Variants in FUT8 observed in about 807,000 individuals in gnomAD.
FUT8 encodes the protein alpha-(1,6)-fucosyltransferase.
In FUT8, 29 loss-of-function variants were observed where a neutral mutation model predicts 71.3. The ratio of observed to expected loss-of-function variants is 0.41; its 90% confidence interval spans 0.30 to 0.55. The LOEUF (loss-of-function observed/expected upper bound fraction) is 0.55, where lower values mean the gene tolerates loss of function less well. Ranked by LOEUF, FUT8 falls within the 20% of genes least tolerant of loss-of-function variation. The pLI, the probability that FUT8 is intolerant of heterozygous loss-of-function variation, is 0.34. For missense variants in FUT8, 544 were observed against 702.1 expected, an observed-to-expected ratio of 0.77 and a Z score of 2.55; for synonymous variants, 254 against 239.3, an observed-to-expected ratio of 1.06 and a Z score of -0.57.
intron 3 of FUT8, among the ~76,000 whole-genome samples, chr14:65,572,523 C>G (rs895087266): frequency 1.3e-5 from 2 of 152,112 alleles, no homozygotes; most frequent in African/African-American, 4.8e-5. Context: ...TATGGTGGCT[C>G]TAAAAGTCAC....
chr14:65,610,790 A>T (rs1486182706), intron 3 of FUT8, among the ~76,000 whole-genome samples: 2 of 151,918 alleles, frequency 1.3e-5, no homozygotes, highest in African/African-American at 4.8e-5. Context: ...TTTAAAAAAA[A>T]TTTTGTCTAT....
At chr14:65,698,906 C>G (rs900058844) in intron 7 of FUT8, among the ~76,000 whole-genome samples, 1 of 151,990 alleles carries the variant, frequency 6.6e-6, no homozygotes, top group Non-Finnish European at 1.5e-5. Flanking sequence ...GAGACAGATA[C>G]ACATAAAAAC....
At chr14:65,694,439 T>C (rs1893878566) in intron 7 of FUT8, among the ~76,000 whole-genome samples, 1 of 152,260 alleles carries the variant, frequency 6.6e-6, no homozygotes, top group Non-Finnish European at 1.5e-5. Flanking sequence ...GTGCTTCAGC[T>C]ATCTTTTTGT....
the FUT8 span, among the ~76,000 whole-genome samples, chr14:65,365,716 G>C: frequency 2.0e-5 from 3 of 152,266 alleles, no homozygotes; most frequent in South Asian, 6.2e-4. Context: ...GTCTGAAAAG[G>C]GGAGGTATGA....
At chr14:65,636,957 A>G (rs1453116761) in intron 6 of FUT8, among the ~76,000 whole-genome samples, 1 of 152,214 alleles carries the variant, frequency 6.6e-6, no homozygotes, top group Non-Finnish European at 1.5e-5. Flanking sequence ...CAAGTATGCT[A>G]TCAGGCTCAA....
At chr14:65,600,527 AAT>A (rs1888238384) in intron 3 of FUT8, among the ~76,000 whole-genome samples, 1 of 152,202 alleles carries the variant, frequency 6.6e-6, no homozygotes, top group Non-Finnish European at 1.5e-5. Flanking sequence ...CTTACATTTA[AAT>A]ATCAGTAGGG....
intron 7 of FUT8, among the ~76,000 whole-genome samples, chr14:65,686,494 G>A (rs1448795128): frequency 2.0e-5 from 3 of 152,108 alleles, no homozygotes; most frequent in Non-Finnish European, 4.4e-5. Context: ...AATAGTTGAG[G>A]CCTATTAATG....
intron 2 of FUT8, among the ~76,000 whole-genome samples, chr14:65,526,009 G>A (rs546752246): frequency 3.9e-5 from 6 of 152,314 alleles, no homozygotes; most frequent in East Asian, 1.9e-4. Context: ...GAATAAGTGC[G>A]ATGTGGTGTT....
At chr14:65,733,974 A>G (rs10083356) in intron 10 of FUT8, among the ~76,000 whole-genome samples, 1,588 of 152,280 alleles carry the variant, frequency 0.01, 29 homozygotes, top group African/African-American at 0.037. Flanking sequence ...TGTTTTTATG[A>G]GGGTCCAGCC....
intron 7 of FUT8, among the ~76,000 whole-genome samples, chr14:65,719,611 A>C (rs559693978): frequency 1.3e-5 from 2 of 152,298 alleles, no homozygotes; most frequent in Admixed American, 1.3e-4. Context: ...CAGATATTTG[A>C]AGGGAGTTGG....
chr14:65,455,960 T>C (rs2065888675), intron 2 of FUT8, among the ~76,000 whole-genome samples: 1 of 152,162 alleles, frequency 6.6e-6, no homozygotes, highest in African/African-American at 2.4e-5. Context: ...GTACTTTAAA[T>C]TATGGGGCTG....
rs913661241 is a variant in FUT8, at chr14:65,468,444, A to G, written c.-228+12726A>G. On this transcript the variant is annotated intron_variant, in intron 2 of 10. Coordinates refer to ENST00000673929, the MANE Select transcript of FUT8 (RefSeq NM_001371533.1). The stretch of plus-strand genomic sequence containing the variant: ...ATTTCACTTCACTCTTTTTGCTTGC[A>G]TGGTTTCTGAAGAGAAAGTTTGATC... 2.1e-4 allele frequency: 70 copies of G among 333,882 alleles called. 1 individual carries two copies. Among genetic ancestry groups the G allele is most frequent in the Admixed American group, 4.5e-4 (11 of 24,484 alleles). 20.7% of individuals were successfully genotyped at this position (333,882 alleles called of 1,614,324 possible).
chr14:65,682,078 A>AT (rs1407056414), intron 7 of FUT8, among the ~76,000 whole-genome samples: 1 of 152,226 alleles, frequency 6.6e-6, no homozygotes, highest in Admixed American at 6.5e-5. Context: ...TTGCCAGCCT[A>AT]AAGATGGTTA....
At chr14:65,377,301 G>A in the FUT8 span, among the ~76,000 whole-genome samples, 3 of 152,264 alleles carry the variant, frequency 2.0e-5, no homozygotes, top group South Asian at 6.2e-4. Context: ...TTATTTGATT[G>A]TAGGAAAAGT....
chr14:65,533,236 C>G (rs999799532), intron 2 of FUT8, among the ~76,000 whole-genome samples: 2 of 152,052 alleles, frequency 1.3e-5, no homozygotes, highest in African/African-American at 4.8e-5. Context: ...GTAAATTGCT[C>G]TGGGCAGTAT....
chr14:65,654,883 T>C (rs1891591551), intron 6 of FUT8, among the ~76,000 whole-genome samples: 1 of 151,676 alleles, frequency 6.6e-6, no homozygotes, highest in African/African-American at 2.4e-5. Flanking sequence ...GGACAAAGAC[T>C]GGCAGAATGG....
At chr14:65,379,486 C>T in the FUT8 span, among the ~76,000 whole-genome samples, 4 of 151,924 alleles carry the variant, frequency 2.6e-5, no homozygotes, top group South Asian at 4.2e-4. Flanking sequence ...GCCGAGATGG[C>T]GCCACTGCAC....
At chr14:65,420,730 C>A (rs913801770) in intron 1 of FUT8, among the ~76,000 whole-genome samples, 1 of 151,888 alleles carries the variant, frequency 6.6e-6, no homozygotes, top group Non-Finnish European at 1.5e-5. Flanking sequence ...GGGCACAGAC[C>A]CCCATCAAGA....
intron 2 of FUT8, among the ~76,000 whole-genome samples, chr14:65,521,374 T>G (rs560143428): frequency 6.6e-6 from 1 of 152,312 alleles, no homozygotes; most frequent in African/African-American, 2.4e-5. Flanking sequence ...ATGGCTTCTT[T>G]TATACACTCA....
Sources: gnomAD v4.1 joint callset for allele counts (sites outside exome capture counted in the v4.1 genomes callset) on GRCh38, gnomAD v4.1.1 for gene constraint, MANE v1.5 for transcripts, NCBI Gene and HGNC (gene_info 2026-07-23, HGNC 2026-07-21) for gene names.